AFF2: variants seen among roughly 807,000 people sequenced by gnomAD.
The protein encoded by AFF2 is AF4/FMR2 family member 2.
AFF2 carries 14 observed loss-of-function variants against 76.9 expected under a neutral mutation model. The ratio of observed to expected loss-of-function variants is 0.18; its 90% CI spans 0.12 to 0.28. The LOEUF (loss-of-function observed/expected upper bound fraction) is 0.28. AFF2 is among the 10% of genes least tolerant of loss of function. The probability of loss-of-function intolerance (pLI) is 1.00; values close to 1 mark genes in which losing one functional copy is unlikely to be tolerated. For synonymous variants in AFF2, 398 were observed against 366.7 expected (o/e 1.09, Z -0.98); for missense variants, 868 against 1,001.1 (o/e 0.87, Z 1.79).
At chrX:148,947,676 TGA>T (rs1373432959) in intron 9 of AFF2, among the ~76,000 whole-genome samples, 2 of 111,609 alleles carry the variant, frequency 1.8e-5, no homozygotes, top group Non-Finnish European at 3.8e-5. Flanking sequence ...TGGCCTAATG[TGA>T]TGAGGCAGGC....
chrX:148,543,980 C>A (rs1399411691), intron 1 of AFF2, among the ~76,000 whole-genome samples: 1 of 112,053 alleles, frequency 8.9e-6, no homozygotes, highest in Non-Finnish European at 1.9e-5. Flanking sequence ...CAGCTAATTA[C>A]CTCCCCTGGG....
At chrX:148,521,601 A>G (rs1305781141) in intron 1 of AFF2, among the ~76,000 whole-genome samples, 1 of 111,849 alleles carries the variant, frequency 8.9e-6, no homozygotes, top group Admixed American at 9.5e-5. Context: ...TTATATATCC[A>G]TATCTCCAAG....
rs782738559 is a variant in AFF2 at position 148,738,547 on chromosome X, TA to T, written c.1042-71328del. 6.4e-3 allele frequency among the ~76,000 whole-genome samples: 722 copies of T among 112,235 alleles called. 6 individuals are homozygous for T. Among genetic ancestry groups the T allele is most frequent in the African/African-American group, 0.022 (681 of 30,944 alleles). ...AATCTTGCTAATGGTCTATCAAGTT[TA>T]TTTATCTTTTCAAAGAACCAACTCT... On this transcript the variant is annotated intron_variant, in intron 3 of 20. Coordinates refer to ENST00000370460, the MANE Select transcript of AFF2 (RefSeq NM_002025.4).
chrX:148,636,463 C>CT (rs1208733275), intron 1 of AFF2, among the ~76,000 whole-genome samples: 1 of 111,935 alleles, frequency 8.9e-6, no homozygotes, highest in African/African-American at 3.2e-5. Flanking sequence ...AGGAACAAGA[C>CT]TGTGAAGTGT....
chrX:148,675,634 T>A (rs1245540555), intron 3 of AFF2, among the ~76,000 whole-genome samples: 4 of 109,178 alleles, frequency 3.7e-5, no homozygotes, highest in African/African-American at 1.3e-4. Context: ...GAAGTGAACT[T>A]ACTGGGGAAG....
At chrX:148,933,667 A>G in intron 9 of AFF2, among the ~76,000 whole-genome samples, 1 of 111,946 alleles carries the variant, frequency 8.9e-6, no homozygotes, top group Middle Eastern at 4.6e-3. Flanking sequence ...AGTCAGAAAC[A>G]ATTCCATGAG....
At chrX:148,957,590 T>G (rs150636767) in intron 11 of AFF2, among the ~76,000 whole-genome samples, 305 of 112,525 alleles carry the variant, frequency 2.7e-3, no homozygotes, top group Non-Finnish European at 4.9e-3. Context: ...GAGAAATAAG[T>G]GTTCACTGGA....
Position 148,966,974 on chromosome X carries a change from G to A in AFF2, c.3098G>A (p.Gly1033Asp), listed in dbSNP as rs2072185643. The A allele has an allele frequency of 8.3e-7, 1 of 1,211,098 alleles. No homozygotes were observed. Among genetic ancestry groups the A allele is most frequent in the African/African-American group, 1.7e-5 (1 of 57,514 alleles). ...ACCATCACCTCTACCATCACTACTG[G>A]CCTCATGGATAGCAGTCACCTGGAG... ...ISTITSTITTGLMDSSHLEMT... is the reference protein window; with the variant it reads ...ISTITSTITTDLMDSSHLEMT... Residue 1033 changes from glycine (G) to aspartate (D), a missense_variant, in exon 14 of 21, where the codon GGC becomes GAC. Transcript: ENST00000370460.
intron 1 of AFF2, among the ~76,000 whole-genome samples, chrX:148,519,934 A>G (rs1260281803): frequency 9.8e-5 from 11 of 112,508 alleles, no homozygotes; most frequent in African/African-American, 3.2e-4. Flanking sequence ...TTTTTAGAAT[A>G]AAATAATTAA....
intron 4 of AFF2, among the ~76,000 whole-genome samples, chrX:148,817,124 A>T (rs1168309263): frequency 9.0e-6 from 1 of 111,358 alleles, no homozygotes; most frequent in African/African-American, 3.3e-5. Flanking sequence ...AAAATAGATA[A>T]ATCAGGAGGT....
chrX:148,707,884 C>G (rs2054905885), intron 3 of AFF2, among the ~76,000 whole-genome samples: 4 of 111,635 alleles, frequency 3.6e-5, no homozygotes, highest in Non-Finnish European at 7.5e-5. Flanking sequence ...AAGAATAGCT[C>G]ATATTTAAAG....
chrX:148,873,389 G>C (rs1205592572), intron 7 of AFF2, among the ~76,000 whole-genome samples: 2 of 110,377 alleles, frequency 1.8e-5, no homozygotes, highest in Non-Finnish European at 3.8e-5. Context: ...TCCAGGCAGT[G>C]TGCACCTCTG....
At chrX:148,835,036 C>T (rs1457303530) in intron 4 of AFF2, among the ~76,000 whole-genome samples, 2 of 112,084 alleles carry the variant, frequency 1.8e-5, no homozygotes, top group Non-Finnish European at 1.9e-5. Flanking sequence ...TTGTGCAGTT[C>T]CATGTGGATT....
intron 20 of AFF2, among the ~76,000 whole-genome samples, chrX:148,990,778 C>G (rs1023350373): frequency 8.9e-6 from 1 of 112,008 alleles, no homozygotes; most frequent in African/African-American, 3.2e-5. Context: ...ATTCATGGGC[C>G]TTGTCTAGAC....
At chrX:148,762,008 TAGATAG>T (rs1284670502) in intron 3 of AFF2, among the ~76,000 whole-genome samples, 7 of 99,801 alleles carry the variant, frequency 7.0e-5, no homozygotes, top group Admixed American at 2.1e-4. Context: ...GATATAGATA[TAGATAG>T]ATATATATTT....
In AFF2 at chrX:148,586,109, T is replaced by C. The variant is rs781785339; in HGVS notation, c.48-65890T>C. ...AAGGTATTATTATTATTATCCTCAATTTACTGGTAAGGGAAAATTGAGGCA... is the reference window on the plus strand; with the variant it reads ...AAGGTATTATTATTATTATCCTCAACTTACTGGTAAGGGAAAATTGAGGCA... On this transcript the variant is annotated intron_variant, in intron 1 of 20. Transcript: ENST00000370460. Among the ~76,000 whole-genome samples, 5 of 111,204 alleles carry C rather than the reference T, an allele frequency of 4.5e-5. No homozygotes were observed. The East Asian group carries it at 1.1e-3, about 25-fold the overall frequency.
At chrX:148,721,662 GT>G (rs782489435) in intron 3 of AFF2, among the ~76,000 whole-genome samples, 1 of 111,802 alleles carries the variant, frequency 8.9e-6, no homozygotes, top group African/African-American at 3.2e-5. Flanking sequence ...AGTGTATCAG[GT>G]TGCTAGTGCT....
At chrX:148,863,407 C>T (rs1473887772) in intron 7 of AFF2, among the ~76,000 whole-genome samples, 2 of 111,744 alleles carry the variant, frequency 1.8e-5, no homozygotes, top group African/African-American at 6.5e-5. Context: ...TGGTCTCACA[C>T]CTCATCTAGC....
intron 1 of AFF2, among the ~76,000 whole-genome samples, chrX:148,632,535 G>T (rs1465918795): frequency 9.0e-6 from 1 of 111,081 alleles, no homozygotes; most frequent in Non-Finnish European, 1.9e-5. Flanking sequence ...CTTATGTGTT[G>T]GTTTTCATGA....
Sources: gnomAD v4.1 joint callset for allele counts (sites outside exome capture counted in the v4.1 genomes callset) on GRCh38, gnomAD v4.1.1 for gene constraint, MANE v1.5 for transcripts, NCBI Gene and HGNC (gene_info 2026-07-23, HGNC 2026-07-21) for gene names.